AGMO: variants seen among roughly 807,000 people sequenced by gnomAD.
AGMO encodes glyceryl-ether monooxygenase.
AGMO carries 75 observed loss-of-function variants against 60.2 expected under a neutral mutation model. The ratio of observed to expected loss-of-function variants is 1.25; its 90% confidence interval spans 1.03 to 1.51. AGMO has a LOEUF of 1.51. Among genes scored for constraint, AGMO ranks in the 40% most tolerant of loss-of-function variants. The pLI is 0.00. For missense variants in AGMO, 763 were observed against 525.5 expected (o/e 1.45, Z -4.42); for synonymous variants, 261 against 177.1 (o/e 1.47, Z -3.76).
the AGMO span, among the ~76,000 whole-genome samples, chr7:15,157,415 G>A: frequency 1.3e-5 from 2 of 152,188 alleles, no homozygotes; most frequent in African/African-American, 4.8e-5. Flanking sequence ...CATCTGAGGG[G>A]AAGAAGAGGG....
Position 15,387,438 on chromosome 7 carries a change from G to T in AGMO, c.925C>A (p.Pro309Thr). 2 of 1,613,942 alleles carry T rather than the reference G, an allele frequency of 1.2e-6. No homozygotes were observed. Among genetic ancestry groups the T allele is most frequent in the Non-Finnish European group, 1.7e-6 (2 of 1,179,962 alleles). Residue 309 changes from proline to threonine, a missense_variant, in exon 9 of 13, where the codon CCA (proline) becomes ACA (threonine). By Grantham distance (38) the Pro-to-Thr change is conservative. Coordinates refer to ENST00000342526, the MANE Select transcript of AGMO (RefSeq NM_001004320.2). ...ATTTCTTCACTGAGACCAAGTCTTG[G>T]TTTACCTGGACCCCATCCCGGTCCC... is the stretch of plus-strand genomic sequence containing the variant. ...FKGPGWGPGK[P>T]RLGLSEEIPE...
chr7:15,346,661 A>T (rs1782045356), intron 12 of AGMO, among the ~76,000 whole-genome samples: 1 of 151,732 alleles, frequency 6.6e-6, no homozygotes, highest in African/African-American at 2.4e-5. Context: ...AGAAATATCC[A>T]ACCATTTTAT....
intron 12 of AGMO, among the ~76,000 whole-genome samples, chr7:15,359,278 G>C (rs1707688322): frequency 7.7e-6 from 1 of 130,184 alleles, no homozygotes. Flanking sequence ...AACAGAGCAA[G>C]ACTCCGTCTC....
the AGMO span, among the ~76,000 whole-genome samples, chr7:15,167,686 A>C: frequency 0.078 from 11,821 of 152,250 alleles, 1,492 homozygotes; most frequent in African/African-American, 0.26. Context: ...CCACTTTAGA[A>C]GCCTCTCTAA....
At chr7:15,465,281 C>T (rs184690677) in intron 3 of AGMO, among the ~76,000 whole-genome samples, 205 of 151,824 alleles carry the variant, frequency 1.4e-3, no homozygotes, top group Non-Finnish European at 2.4e-3. Flanking sequence ...ACACACTTTC[C>T]TTGAATTTTA....
In AGMO at chr7:15,542,479, C is replaced by A. The variant is rs549179452; in HGVS notation, c.409+2293G>T. 2.6e-3 allele frequency among the ~76,000 whole-genome samples: 400 copies of A among 152,190 alleles called. 1 individual carries two copies. Among genetic ancestry groups the A allele is most frequent in the African/African-American group, 9.2e-3 (382 of 41,524 alleles). ...TTTAATAGTTTTATATTGGTAATAT[C>A]TTGTTGATTCTTTGTTTCCTGTTAT... On this transcript the variant is annotated intron_variant, in intron 3 of 12. Transcript: ENST00000342526.
At chr7:15,258,789 T>C (rs1269747531) in intron 12 of AGMO, among the ~76,000 whole-genome samples, 1 of 152,084 alleles carries the variant, frequency 6.6e-6, no homozygotes, top group Non-Finnish European at 1.5e-5. Context: ...CAGAGCCCTG[T>C]AGCTCTGCTG....
intron 3 of AGMO, among the ~76,000 whole-genome samples, chr7:15,437,516 C>G (rs527618861): frequency 5.4e-5 from 8 of 148,074 alleles, no homozygotes; most frequent in African/African-American, 2.0e-4. Context: ...TCTGAAGGAG[C>G]AACCAAATTT....
At chr7:15,279,569 C>T (rs1783903939) in intron 12 of AGMO, among the ~76,000 whole-genome samples, 1 of 152,082 alleles carries the variant, frequency 6.6e-6, no homozygotes, top group African/African-American at 2.4e-5. Context: ...TAACATGCCC[C>T]TCCAACTTGG....
rs1785093115 is a variant in AGMO, at chr7:15,555,184, G to T, written c.257+4957C>A. 2.0e-5 allele frequency among the ~76,000 whole-genome samples: 3 copies of T among 150,476 alleles called. No homozygotes were observed. The Admixed American group carries it at 2.0e-4, about 10-fold the overall frequency. ...TATTTCTAATAATCTTGTTTTATGA[G>T]CCAGAAAATAAATCAATATTTAAAA... On this transcript the variant is annotated intron_variant, in intron 2 of 12. Coordinates refer to ENST00000342526, the MANE Select transcript of AGMO (RefSeq NM_001004320.2).
At chr7:15,410,453 T>C (rs1784808338) in intron 5 of AGMO, among the ~76,000 whole-genome samples, 1 of 151,818 alleles carries the variant, frequency 6.6e-6, no homozygotes, top group Non-Finnish European at 1.5e-5. Flanking sequence ...TAGTTAAGAA[T>C]GCAATTTTTT....
At chr7:15,190,422 C>T in the AGMO span, among the ~76,000 whole-genome samples, 4 of 151,614 alleles carry the variant, frequency 2.6e-5, no homozygotes, top group African/African-American at 9.7e-5. Context: ...GTAGATCATA[C>T]TTCATATAAA....
chr7:15,356,131 A>G (rs1782521765), intron 12 of AGMO, among the ~76,000 whole-genome samples: 1 of 152,212 alleles, frequency 6.6e-6, no homozygotes, highest in Non-Finnish European at 1.5e-5. Context: ...AATCACTTGG[A>G]AAACAACTTG....
Position 15,449,871 on chromosome 7 carries a change from T to G in AGMO, c.410-18763A>C, listed in dbSNP as rs192472603. On this transcript the variant is annotated intron_variant, in intron 3 of 12. Transcript: ENST00000342526. ...TATGAACAACTTAATAATGTCCCAC[T>G]TAAAAAGAAAAAATGGGATTTGAAC... Among the ~76,000 whole-genome samples the G allele has an allele frequency of 7.9e-5, 12 of 152,240 alleles. No homozygotes were observed. The East Asian group carries it at 2.3e-3, about 29-fold the overall frequency.
intron 8 of AGMO, among the ~76,000 whole-genome samples, chr7:15,388,486 T>C (rs1784013148): frequency 6.6e-6 from 1 of 152,224 alleles, no homozygotes; most frequent in Non-Finnish European, 1.5e-5. Flanking sequence ...TATACTTAAT[T>C]TGTTTTGTAA....
At chr7:15,280,385 G>A (rs1039429123) in intron 12 of AGMO, among the ~76,000 whole-genome samples, 5 of 152,096 alleles carry the variant, frequency 3.3e-5, no homozygotes, top group Non-Finnish European at 5.9e-5. Flanking sequence ...TTCTGCCCTG[G>A]AACATGACCC....
At chr7:15,136,644 C>T in the AGMO span, among the ~76,000 whole-genome samples, 18 of 152,180 alleles carry the variant, frequency 1.2e-4, no homozygotes, top group East Asian at 3.9e-4. Flanking sequence ...GGAAAAATAA[C>T]GTGTTTTCTT....
chr7:15,242,668 A>C (rs887761999), intron 12 of AGMO, among the ~76,000 whole-genome samples: 5 of 152,154 alleles, frequency 3.3e-5, no homozygotes, highest in African/African-American at 7.2e-5. Flanking sequence ...TAATCAATAA[A>C]ACTGAGATAG....
chr7:15,475,363 A>G (rs931511378), intron 3 of AGMO, among the ~76,000 whole-genome samples: 1 of 152,160 alleles, frequency 6.6e-6, no homozygotes, highest in African/African-American at 2.4e-5. Flanking sequence ...ATGTAGCCAC[A>G]AAAAAGGATG....
Sources: allele counts gnomAD v4.1 joint callset (sites outside exome capture counted in the v4.1 genomes callset), GRCh38; gene constraint gnomAD v4.1.1; transcripts MANE v1.5; gene names NCBI Gene and HGNC (gene_info 2026-07-23, HGNC 2026-07-21).